The following PRELID2 variants were observed in gnomAD, a reference collection of about 807,000 sequenced individuals.
PRELID2 encodes PRELI domain-containing protein 2.
PRELID2 carries 25 observed loss-of-function variants against 28.4 expected under a neutral mutation model. The observed-to-expected ratio is 0.88, with a 90% CI of 0.64 to 1.23. The LOEUF (loss-of-function observed/expected upper bound fraction) is 1.23. Among genes scored for constraint, PRELID2 ranks in the 50% most tolerant of loss-of-function variants. The probability of loss-of-function intolerance (pLI) is 0.00; values close to 1 mark genes in which losing one functional copy is unlikely to be tolerated. For missense variants in PRELID2, 201 were observed against 214.4 expected (o/e 0.94, Z 0.39); for synonymous variants, 76 against 71.6 (o/e 1.06, Z -0.31).
the PRELID2 span, among the ~76,000 whole-genome samples, chr5:145,334,026 AG>A: frequency 6.6e-6 from 1 of 152,026 alleles, no homozygotes. Context: ...TCCCTTAGCT[AG>A]GGGAGGGAAT....
chr5:145,429,458 A>T, the PRELID2 span, among the ~76,000 whole-genome samples: 1 of 152,266 alleles, frequency 6.6e-6, no homozygotes, highest in East Asian at 1.9e-4. Flanking sequence ...AGGTTTGCAC[A>T]TGTTAAGCAA....
At chr5:145,584,438 T>A (rs1352204487) in intron 1 of PRELID2, among the ~76,000 whole-genome samples, 2 of 152,016 alleles carry the variant, frequency 1.3e-5, no homozygotes, top group East Asian at 3.9e-4. Context: ...ACTTGTCAAA[T>A]GGGATCTAAT....
chr5:145,405,615 A>G, the PRELID2 span, among the ~76,000 whole-genome samples: 1 of 151,774 alleles, frequency 6.6e-6, no homozygotes, highest in African/African-American at 2.4e-5. Flanking sequence ...GAAGCTTAGA[A>G]TCATGGCAGA....
intron 1 of PRELID2, among the ~76,000 whole-genome samples, chr5:145,579,846 A>G (rs1299196008): frequency 1.3e-5 from 2 of 152,080 alleles, no homozygotes; most frequent in East Asian, 1.9e-4. Flanking sequence ...TCTCTCTTAT[A>G]CTATCTCCCA....
intron 1 of PRELID2, chr5:145,728,903 A>C: frequency 2.3e-6 from 2 of 877,626 alleles, no homozygotes; most frequent in Non-Finnish European, 3.9e-6. Context: ...CAAAGCTTTC[A>C]TTTGCTGGCA....
intron 5 of PRELID2, among the ~76,000 whole-genome samples, chr5:145,774,314 C>A (rs1224116958): frequency 1.3e-5 from 2 of 152,206 alleles, no homozygotes; most frequent in East Asian, 3.9e-4. Context: ...CTGGATTTCT[C>A]CACCTCATTC....
chr5:145,241,451 C>T, the PRELID2 span, among the ~76,000 whole-genome samples: 2 of 151,994 alleles, frequency 1.3e-5, no homozygotes, highest in Non-Finnish European at 2.9e-5. Flanking sequence ...AAATGTATAT[C>T]GCATTGCATT....
intron 1 of PRELID2, among the ~76,000 whole-genome samples, chr5:145,696,492 G>T (rs370473316): frequency 1.3e-5 from 2 of 151,958 alleles, no homozygotes; most frequent in East Asian, 3.9e-4. Context: ...TTTGAGATAG[G>T]GTCTCACTCT....
chr5:145,660,749 G>A (rs906714642), intron 1 of PRELID2, among the ~76,000 whole-genome samples: 1 of 152,168 alleles, frequency 6.6e-6, no homozygotes, highest in Non-Finnish European at 1.5e-5. Context: ...ATAGGAACAG[G>A]AGAAGGGAGA....
Position 145,783,523 on chromosome 5 carries a change from G to A in PRELID2, c.474+12919C>T, listed in dbSNP as rs112507866. ...TCTAGAAATAAGCTGTTAAAAATCAGAATTCTTGGTAATATTCTCAGGACA... is the reference window on the plus strand; with the variant it reads ...TCTAGAAATAAGCTGTTAAAAATCAAAATTCTTGGTAATATTCTCAGGACA... On this transcript the variant is annotated intron_variant, in intron 5 of 6. Transcript: ENST00000683046. Among the ~76,000 whole-genome samples, 1,171 of 152,234 alleles carry A rather than the reference G, an allele frequency of 7.7e-3. 15 individuals carry two copies. The highest frequency in any genetic ancestry group is 0.027 in the African/African-American group (1,132 of 41,550).
chr5:145,762,241 G>A (rs974944328), intron 6 of PRELID2, among the ~76,000 whole-genome samples: 1 of 152,176 alleles, frequency 6.6e-6, no homozygotes, highest in Non-Finnish European at 1.5e-5. Context: ...TAAGAGAGGA[G>A]AGTAAGTTGC....
At chr5:145,239,608 C>T in the PRELID2 span, among the ~76,000 whole-genome samples, 2 of 151,938 alleles carry the variant, frequency 1.3e-5, no homozygotes, top group African/African-American at 2.4e-5. Flanking sequence ...ATTGATGCCT[C>T]GCTCTCCAGA....
intron 6 of PRELID2, among the ~76,000 whole-genome samples, chr5:145,762,823 C>G (rs115676600): frequency 4.6e-5 from 7 of 152,144 alleles, no homozygotes; most frequent in African/African-American, 1.7e-4. Context: ...AAAAGTTGAC[C>G]GAATACATGA....
chr5:145,583,516 T>C (rs1753125867), intron 1 of PRELID2, among the ~76,000 whole-genome samples: 1 of 152,156 alleles, frequency 6.6e-6, no homozygotes, highest in Non-Finnish European at 1.5e-5. Context: ...TGTTTGCAGA[T>C]GACATGATTC....
the PRELID2 span, among the ~76,000 whole-genome samples, chr5:145,381,348 T>C: frequency 2.0e-5 from 3 of 152,250 alleles, no homozygotes; most frequent in East Asian, 3.9e-4. Context: ...AAAAAGAGAA[T>C]GGCACAGAGT....
intron 1 of PRELID2, among the ~76,000 whole-genome samples, chr5:145,490,499 A>C (rs1752259251): frequency 6.6e-6 from 1 of 152,204 alleles, no homozygotes; most frequent in Non-Finnish European, 1.5e-5. Flanking sequence ...GAAAAGAAGA[A>C]AAGAACCACT....
At chr5:145,273,026 C>G in the PRELID2 span, among the ~76,000 whole-genome samples, 1 of 152,058 alleles carries the variant, frequency 6.6e-6, no homozygotes, top group African/African-American at 2.4e-5. Context: ...CCAAAATTAG[C>G]TCATCGGAGA....
At chr5:145,355,230 C>G in the PRELID2 span, among the ~76,000 whole-genome samples, 1 of 151,910 alleles carries the variant, frequency 6.6e-6, no homozygotes, top group Non-Finnish European at 1.5e-5. Context: ...CTTCAAAATA[C>G]AAGGGGTAAA....
chr5:145,617,032 G>A (rs545710464), intron 1 of PRELID2, among the ~76,000 whole-genome samples: 25 of 152,310 alleles, frequency 1.6e-4, no homozygotes, highest in African/African-American at 5.8e-4. Context: ...TCTCCCATTT[G>A]CTTTTGAAAG....
Sources: allele counts gnomAD v4.1 joint callset (sites outside exome capture counted in the v4.1 genomes callset), GRCh38; gene constraint gnomAD v4.1.1; transcripts MANE v1.5; gene names NCBI Gene and HGNC (gene_info 2026-07-23, HGNC 2026-07-21).